The following SCIN variants were observed in gnomAD, a reference collection of about 807,000 sequenced individuals.
SCIN encodes adseverin.
In SCIN, 91 loss-of-function variants were observed where a neutral mutation model predicts 91.8. The ratio of observed to expected loss-of-function variants is 0.99; its 90% CI spans 0.84 to 1.18. The LOEUF (loss-of-function observed/expected upper bound fraction) is 1.18, where lower values mean the gene tolerates loss of function less well. Among genes scored for constraint, SCIN ranks in the 50% most tolerant of loss-of-function variants. SCIN has a pLI of 0.00. For synonymous variants in SCIN, 367 were observed against 312.6 expected (o/e 1.17, Z -1.84); for missense variants, 1,087 against 863.9 (o/e 1.26, Z -3.24).
chr7:12,618,800 C>T (rs2115266454), intron 4 of SCIN, among the ~76,000 whole-genome samples: 1 of 152,200 alleles, frequency 6.6e-6, no homozygotes, highest in African/African-American at 2.4e-5. Context: ...AAGTAAGATA[C>T]AGAATTTACA....
At chr7:12,577,870 T>C in intron 1 of SCIN, 194 bp from the exon 2 acceptor site, 1 of 487,448 alleles carries the variant, frequency 2.1e-6, no homozygotes, top group African/African-American at 2.1e-5. Context: ...AAAAAAAAAA[T>C]AGACTAAAAA....
At chr7:12,621,549 T>C (rs1783407045) in intron 4 of SCIN, among the ~76,000 whole-genome samples, 1 of 151,994 alleles carries the variant, frequency 6.6e-6, no homozygotes, top group Non-Finnish European at 1.5e-5. Context: ...GAAAAGTATA[T>C]GTGAGGAGAT....
chr7:12,637,925 T>G (rs969943131), intron 10 of SCIN, among the ~76,000 whole-genome samples: 2 of 152,156 alleles, frequency 1.3e-5, no homozygotes, highest in African/African-American at 4.8e-5. Flanking sequence ...TTATAAAACT[T>G]TAAATGTTAT....
Position 12,655,119 on chromosome 7 carries a change from GT to G in SCIN, c.*2405del, listed in dbSNP as rs1784145779. 6.6e-6 allele frequency: 1 copy of G among 152,090 alleles called. No homozygotes were observed. The highest frequency in any genetic ancestry group is 1.5e-5 in the Non-Finnish European group (1 of 67,996). 9.4% of individuals were successfully genotyped at this position (152,090 alleles called of 1,614,324 possible). A position where few individuals can be genotyped will look rare whatever the true frequency, so the allele number is the denominator to read the frequency against. On this transcript the variant is annotated 3_prime_UTR_variant, in exon 16 of 16. Transcript: ENST00000297029. ...TGCATAAAACCTATACCATTCTCCT[GT>G]ATACTCTAAGTCATCTCTGCGTTAC... is the stretch of plus-strand genomic sequence containing the variant.
intron 13 of SCIN, among the ~76,000 whole-genome samples, chr7:12,645,658 G>C (rs868658416): frequency 6.6e-6 from 1 of 151,922 alleles, no homozygotes; most frequent in African/African-American, 2.4e-5. Context: ...TCCACCTTTC[G>C]ATAGGCCCCC....
intron 10 of SCIN, among the ~76,000 whole-genome samples, chr7:12,637,532 AAG>A (rs1156937991): frequency 5.3e-5 from 8 of 151,802 alleles, no homozygotes; most frequent in Admixed American, 2.6e-4. Context: ...GAGGGAAGAG[AAG>A]AGAGGGAAAT....
intron 3 of SCIN, among the ~76,000 whole-genome samples, chr7:12,603,942 G>T (rs1309706472): frequency 6.6e-6 from 1 of 151,870 alleles, no homozygotes; most frequent in Non-Finnish European, 1.5e-5. Flanking sequence ...ATTTATTAAA[G>T]TAAATGCCAG....
At chr7:12,645,815 T>C (rs1340504390) in intron 13 of SCIN, among the ~76,000 whole-genome samples, 1 of 152,228 alleles carries the variant, frequency 6.6e-6, no homozygotes, top group Non-Finnish European at 1.5e-5. Context: ...GCATTAATGT[T>C]GTGATGTCCT....
chr7:12,643,258 C>G (rs891585850), intron 11 of SCIN, among the ~76,000 whole-genome samples: 1 of 152,142 alleles, frequency 6.6e-6, no homozygotes, highest in African/African-American at 2.4e-5. Flanking sequence ...TCTTCATCTC[C>G]CGGCAGGCTA....
chr7:12,652,548 C>A (rs759356406), intron 15 of SCIN, 40 bp from the exon 16 acceptor site: 1 of 1,588,516 alleles, frequency 6.3e-7, no homozygotes, highest in South Asian at 1.1e-5. Context: ...TAGTTTAACC[C>A]AAACTAACTG....
At chr7:12,640,555 G>T in intron 11 of SCIN, 38 bp downstream of exon 11, 1 of 1,535,722 alleles carries the variant, frequency 6.5e-7, no homozygotes, top group South Asian at 1.3e-5. Context: ...CCCTAGTTAT[G>T]GACTTCCCAA....
chr7:12,631,384 T>C (rs751995792), intron 9 of SCIN, among the ~76,000 whole-genome samples: 2 of 152,172 alleles, frequency 1.3e-5, no homozygotes, highest in African/African-American at 2.4e-5. Context: ...TGAGTGATCT[T>C]TGGATAATTA....
chr7:12,645,749 G>A (rs1783953608), intron 13 of SCIN, among the ~76,000 whole-genome samples: 1 of 151,998 alleles, frequency 6.6e-6, no homozygotes, highest in Non-Finnish European at 1.5e-5. Context: ...GCAGTATTTG[G>A]TTTTCTGTTC....
chr7:12,625,158 G>C lies in SCIN; in HGVS notation c.892+16G>C. The C allele has an allele frequency of 1.9e-6, 3 of 1,602,006 alleles. No individual in the cohort carries two copies. Among genetic ancestry groups the C allele is most frequent in the Non-Finnish European group, 2.6e-6 (3 of 1,174,052 alleles). On this transcript the variant is annotated intron_variant, in intron 6 of 15. Coordinates refer to ENST00000297029, the MANE Select transcript of SCIN (RefSeq NM_001112706.3). ...GTATGGAAAGGTAAAAAATTCCATT[G>C]ACGATGCTGTATTTCAGATTTATAG...
At chr7:12,652,515 G>T in intron 15 of SCIN, 73 bp from the exon 16 acceptor site, 5 of 1,371,868 alleles carry the variant, frequency 3.6e-6, no homozygotes, top group South Asian at 1.3e-5. Flanking sequence ...TTTATTCGAA[G>T]AATTTTCAAT....
At chr7:12,644,442 G>C (rs1783918061) in intron 12 of SCIN, 127 bp downstream of exon 12, 3 of 1,436,630 alleles carry the variant, frequency 2.1e-6, no homozygotes, top group Non-Finnish European at 1.9e-6. Context: ...ATTAGTTGCA[G>C]AGGTGGGTGG....
At chr7:12,616,790 A>G (rs849798) in intron 4 of SCIN, among the ~76,000 whole-genome samples, 14,814 of 152,196 alleles carry the variant, frequency 0.097, 759 homozygotes, top group Middle Eastern at 0.16. Flanking sequence ...TTTTATAATC[A>G]AGGACTAATG....
chr7:12,638,271 G>C (rs925507341), intron 10 of SCIN, among the ~76,000 whole-genome samples: 1 of 152,092 alleles, frequency 6.6e-6, no homozygotes, highest in Non-Finnish European at 1.5e-5. Context: ...CAGCTAGCTG[G>C]AACTATCTCT....
At chr7:12,601,179 C>G (rs1782950500) in intron 3 of SCIN, among the ~76,000 whole-genome samples, 1 of 152,010 alleles carries the variant, frequency 6.6e-6, no homozygotes, top group African/African-American at 2.4e-5. Flanking sequence ...TTAAAGAGGA[C>G]CGTGGATTAG....
Sources: allele counts gnomAD v4.1 joint callset (sites outside exome capture counted in the v4.1 genomes callset), GRCh38; gene constraint gnomAD v4.1.1; transcripts MANE v1.5; gene names NCBI Gene and HGNC (gene_info 2026-07-23, HGNC 2026-07-21).